ADRA1A: variants seen among roughly 807,000 people sequenced by gnomAD.
ADRA1A encodes adrenoceptor alpha 1A.
In ADRA1A, 31 loss-of-function variants were observed where a neutral mutation model predicts 29.6. The ratio of observed to expected loss-of-function variants is 1.05; its 90% CI spans 0.79 to 1.41. The LOEUF (loss-of-function observed/expected upper bound fraction) is 1.41, where lower values mean the gene tolerates loss of function less well. ADRA1A is among the 40% of genes most tolerant of loss of function. ADRA1A has a pLI of 0.00. For synonymous variants in ADRA1A, 311 were observed against 254.3 expected (o/e 1.22, Z -2.12); for missense variants, 619 against 601.1 (o/e 1.03, Z -0.31).
At chr8:26,813,269 A>G (rs2130552288) in intron 2 of ADRA1A, among the ~76,000 whole-genome samples, 1 of 152,314 alleles carries the variant, frequency 6.6e-6, no homozygotes, top group Middle Eastern at 3.4e-3. Flanking sequence ...CCAAAGGAGC[A>G]GTTAAAATCA....
intron 2 of ADRA1A, among the ~76,000 whole-genome samples, chr8:26,846,977 C>A (rs998423272): frequency 6.6e-6 from 1 of 152,068 alleles, no homozygotes; most frequent in Non-Finnish European, 1.5e-5. Context: ...GAACAAAAAA[C>A]CAAACACTGC....
At chr8:26,813,504 C>A (rs1214511651) in intron 2 of ADRA1A, among the ~76,000 whole-genome samples, 1 of 151,008 alleles carries the variant, frequency 6.6e-6, no homozygotes, top group South Asian at 2.1e-4. Flanking sequence ...ATCCATCCAT[C>A]CATCCATCCA....
chr8:26,808,342 G>T (rs1357195259), intron 2 of ADRA1A, among the ~76,000 whole-genome samples: 4 of 152,026 alleles, frequency 2.6e-5, no homozygotes, highest in Non-Finnish European at 4.4e-5. Context: ...GTATTCCATT[G>T]TATGTATTTA....
intron 2 of ADRA1A, among the ~76,000 whole-genome samples, chr8:26,801,757 A>G (rs542009187): frequency 1.1e-4 from 17 of 152,296 alleles, no homozygotes; most frequent in African/African-American, 3.6e-4. Context: ...TAAAATTTAT[A>G]TGGAACCACA....
At chr8:26,850,935 A>T (rs114733919) in intron 2 of ADRA1A, among the ~76,000 whole-genome samples, 2,241 of 152,332 alleles carry the variant, frequency 0.015, 59 homozygotes, top group African/African-American at 0.051. Flanking sequence ...CACCACAGAC[A>T]ATATGTCAAT....
At chr8:26,776,016 C>T (rs1041739250) in intron 2 of ADRA1A, among the ~76,000 whole-genome samples, 1 of 152,190 alleles carries the variant, frequency 6.6e-6, no homozygotes, top group Non-Finnish European at 1.5e-5. Flanking sequence ...TATGAGGGGG[C>T]ACTAGGAGGC....
chr8:26,751,926 TGGCTTGTACA>T (rs1804939918), downstream of ADRA1A, among the ~76,000 whole-genome samples: 3 of 152,192 alleles, frequency 2.0e-5, no homozygotes, highest in Non-Finnish European at 4.4e-5. Flanking sequence ...GTGTTGAAGT[TGGCTTGTACA>T]GGCTCTTGAG....
At chr8:26,758,196 A>G (rs1411939534) in intron 2 of ADRA1A, among the ~76,000 whole-genome samples, 3 of 152,212 alleles carry the variant, frequency 2.0e-5, no homozygotes, top group South Asian at 4.1e-4. Context: ...TGTAGGAATG[A>G]CAGGACCTGA....
At chr8:26,754,430 A>T (rs1487920025), downstream of ADRA1A, among the ~76,000 whole-genome samples, 1 of 152,084 alleles carries the variant, frequency 6.6e-6, no homozygotes, top group Non-Finnish European at 1.5e-5. Context: ...CCAAACCTGG[A>T]GAAGGTGGAT....
chr8:26,842,000 C>G lies in ADRA1A; in HGVS notation c.883+22087G>C, dbSNP rs1250825733. On this transcript the variant is annotated intron_variant, in intron 2 of 2. Transcript: ENST00000380573. This position sits in a 1 kb window ranked among gnomAD's most constrained non-coding sequence, Gnocchi z 4.4. ...CCAACATATTCTAACATTCAGCCCT[C>G]CTTAGGAGATGACCCATTCCCTTAG... Among the ~76,000 whole-genome samples the G allele has an allele frequency of 6.6e-6, 1 of 152,142 alleles. No individual in the cohort carries two copies. Among genetic ancestry groups the G allele is most frequent in the Non-Finnish European group, 1.5e-5 (1 of 68,034 alleles).
At chr8:26,829,549 AGAAGGATGATTGAAT>A (rs1341903988) in intron 2 of ADRA1A, among the ~76,000 whole-genome samples, 1 of 152,168 alleles carries the variant, frequency 6.6e-6, no homozygotes, top group East Asian at 1.9e-4. Context: ...GTTAGGAAAA[AGAAGGATGATTGAAT>A]GAATGACGAA....
At chr8:26,833,848 T>G (rs6986495) in intron 2 of ADRA1A, among the ~76,000 whole-genome samples, 34,023 of 152,202 alleles carry the variant, frequency 0.22, 4,462 homozygotes, top group African/African-American at 0.37. Flanking sequence ...AAGAAAGCCT[T>G]TTATATTTCA....
intron 2 of ADRA1A, among the ~76,000 whole-genome samples, chr8:26,783,919 T>C (rs1284804828): frequency 6.6e-6 from 1 of 151,996 alleles, no homozygotes; most frequent in Non-Finnish European, 1.5e-5. Context: ...ATCAGCAAAC[T>C]AACGCAGGAA....
chr8:26,811,524 A>G (rs947165493), intron 2 of ADRA1A, among the ~76,000 whole-genome samples: 6 of 152,156 alleles, frequency 3.9e-5, no homozygotes, highest in Non-Finnish European at 5.9e-5. Flanking sequence ...ACAAACTGGT[A>G]TTTACACCAA....
chr8:26,812,913 A>G (rs548825661), intron 2 of ADRA1A, among the ~76,000 whole-genome samples: 19 of 151,944 alleles, frequency 1.3e-4, no homozygotes, highest in Middle Eastern at 3.4e-3. Flanking sequence ...TGATCCGCCC[A>G]CCTTGGCCTC....
chr8:26,772,833 C>T (rs564702426), intron 2 of ADRA1A, among the ~76,000 whole-genome samples: 4 of 150,944 alleles, frequency 2.6e-5, no homozygotes, highest in East Asian at 2.0e-4. Flanking sequence ...AAGCACACTC[C>T]CTGCTAAGTT....
At chr8:26,838,395 T>C (rs960838605) in intron 2 of ADRA1A, among the ~76,000 whole-genome samples, 1 of 152,192 alleles carries the variant, frequency 6.6e-6, no homozygotes, top group Non-Finnish European at 1.5e-5. Context: ...TTCACCCCGC[T>C]GCTCATCTGA....
chr8:26,765,059 A>T (rs1028397228), downstream of ADRA1A, among the ~76,000 whole-genome samples: 4 of 152,234 alleles, frequency 2.6e-5, no homozygotes, highest in Non-Finnish European at 4.4e-5. Flanking sequence ...CACAATCTTT[A>T]GGGCAGTTCC....
At position 26,829,788 on chromosome 8, in the gene ADRA1A, A is replaced by G. The variant is rs546694207; in HGVS notation, c.883+34299T>C. ...CAGTAGAAAATTGAAACCTGGAAAAAAAAATCAGCAATTCCATAACACATC... is the reference window on the plus strand; with the variant it reads ...CAGTAGAAAATTGAAACCTGGAAAAGAAAATCAGCAATTCCATAACACATC... On this transcript the variant is annotated intron_variant, in intron 2 of 2. Transcript: ENST00000380573. Among the ~76,000 whole-genome samples the G allele has an allele frequency of 4.1e-4, 62 of 152,252 alleles. 1 individual carries two copies. Among genetic ancestry groups the G allele is most frequent in the Non-Finnish European group, 6.9e-4 (47 of 68,024 alleles).
Sources: gnomAD v4.1 joint callset for allele counts (sites outside exome capture counted in the v4.1 genomes callset) on GRCh38, gnomAD v4.1.1 for gene constraint, Gnocchi (gnomAD v3.1) non-coding constraint, MANE v1.5 for transcripts, NCBI Gene and HGNC (gene_info 2026-07-23, HGNC 2026-07-21) for gene names.